SOX6: variants seen among roughly 807,000 people sequenced by gnomAD.
SOX6 encodes transcription factor SOX-6.
Under a neutral mutation model 97.8 loss-of-function variants are expected in SOX6, and 11 were observed. That is an observed-to-expected ratio of 0.11 (90% CI 0.07 to 0.19). The LOEUF (loss-of-function observed/expected upper bound fraction) is 0.19. Among genes scored for constraint, SOX6 ranks in the 10% least tolerant of loss-of-function variants. SOX6 has a pLI of 1.00. For synonymous variants in SOX6, 360 were observed against 371.4 expected, an observed-to-expected ratio of 0.97 and a Z score of 0.35; for missense variants, 810 against 1,039.5, an observed-to-expected ratio of 0.78 and a Z score of 3.04.
intron 1 of SOX6, among the ~76,000 whole-genome samples, chr11:16,421,163 C>A (rs185269733): frequency 7.0e-4 from 107 of 152,170 alleles, no homozygotes; most frequent in African/African-American, 2.5e-3. Flanking sequence ...GACAATTGTA[C>A]ATATTTATAA....
chr11:16,255,177 C>G (rs865899899), intron 3 of SOX6, among the ~76,000 whole-genome samples: 5 of 151,786 alleles, frequency 3.3e-5, no homozygotes, highest in Non-Finnish European at 4.4e-5. Flanking sequence ...ATTTTAACAC[C>G]CCTCTATGAG....
At position 16,015,018 on chromosome 11, in the gene SOX6, C is replaced by A. The variant is rs1257024169; in HGVS notation, c.1656G>T (p.Gln552His). The change falls in exon 13 of 16, where the codon CAG (glutamine) becomes CAT (histidine). Residue 552 changes from glutamine (Q) to histidine (H), a missense_variant. By Grantham distance (24) the Gln-to-His change is conservative. Around this residue, in one of 9 missense-constraint regions of SOX6, gnomAD observed 120 missense variants for 127.0 expected, o/e 0.94. Transcript: ENST00000683767. The part of the protein sequence containing the change: ...ERTRFENLGP[Q>H]LTGKSNEDGK... ...CATCTTCATTTGACTTTCCCGTTAACTGGGGCCCCAAATTCTCAAAGCGCG... is the reference window on the plus strand; with the variant it reads ...CATCTTCATTTGACTTTCCCGTTAAATGGGGCCCCAAATTCTCAAAGCGCG... The A allele has an allele frequency of 6.2e-7, 1 of 1,612,956 alleles. No homozygotes were observed. The highest frequency in any genetic ancestry group is 2.2e-5 in the East Asian group (1 of 44,814).
chr11:16,097,770 G>T (rs1354697182), intron 7 of SOX6, 82 bp from the exon 8 acceptor site: 4 of 1,285,590 alleles, frequency 3.1e-6, no homozygotes, highest in Non-Finnish European at 4.5e-6. Context: ...TCCTTGGATT[G>T]CCTGAGCTTT....
chr11:16,097,245 T>G (rs967179574), intron 8 of SOX6, among the ~76,000 whole-genome samples: 2 of 151,858 alleles, frequency 1.3e-5, no homozygotes, highest in African/African-American at 4.8e-5. Flanking sequence ...TCCAACATCA[T>G]TTTTGTTTCA....
chr11:16,145,672 T>C (rs1850273237), intron 6 of SOX6, among the ~76,000 whole-genome samples: 1 of 152,150 alleles, frequency 6.6e-6, no homozygotes. Context: ...ACAAAATCAA[T>C]GTACAAAAAT....
At chr11:16,627,750 C>G (rs1848643192) in intron 3 of SOX6, among the ~76,000 whole-genome samples, 1 of 150,570 alleles carries the variant, frequency 6.6e-6, no homozygotes, top group Non-Finnish European at 1.5e-5. Flanking sequence ...TGTGGGCTGT[C>G]TGTTTACTCT....
intron 6 of SOX6, 32 bp downstream of exon 6, chr11:16,183,854 A>G (rs1851404070): frequency 1.3e-6 from 2 of 1,597,180 alleles, no homozygotes; most frequent in Admixed American, 1.7e-5. Context: ...GTATCTAAGT[A>G]TAATCAGACG....
intron 3 of SOX6, chr11:16,646,427 T>C (rs988810486): frequency 2.6e-5 from 4 of 152,194 alleles, no homozygotes; most frequent in African/African-American, 7.2e-5. Context: ...TCTAATTTTG[T>C]GTCTTAGGTT....
chr11:16,042,280 GT>G (rs1281867918), intron 12 of SOX6, among the ~76,000 whole-genome samples: 7 of 152,080 alleles, frequency 4.6e-5, no homozygotes, highest in Admixed American at 2.6e-4. Flanking sequence ...CACCTCTTTT[GT>G]TTCTTTGTCT....
At chr11:16,243,315 T>C (rs1853246275) in intron 3 of SOX6, among the ~76,000 whole-genome samples, 1 of 151,956 alleles carries the variant, frequency 6.6e-6, no homozygotes, top group Admixed American at 6.6e-5. Flanking sequence ...AATTATGTGA[T>C]CAAGTTTATA....
intron 2 of SOX6, among the ~76,000 whole-genome samples, chr11:16,721,376 CT>C (rs1848259778): frequency 6.6e-6 from 1 of 152,102 alleles, no homozygotes; most frequent in African/African-American, 2.4e-5. Context: ...ACATGGGGAA[CT>C]TTTTTTCTCC....
At chr11:16,304,827 C>A (rs1855376247) in intron 3 of SOX6, among the ~76,000 whole-genome samples, 1 of 152,096 alleles carries the variant, frequency 6.6e-6, no homozygotes, top group African/African-American at 2.4e-5. Flanking sequence ...GAAGGTTAGT[C>A]TTTTCAACAG....
chr11:16,194,138 CCT>C (rs1851706744), intron 4 of SOX6, among the ~76,000 whole-genome samples: 1 of 152,168 alleles, frequency 6.6e-6, no homozygotes, highest in African/African-American at 2.4e-5. Context: ...GAAAGGAACC[CCT>C]GTCCCAGCAT....
chr11:16,524,904 T>C lies in SOX6; in HGVS notation n.610-48516A>G, dbSNP rs1241938672. Among the ~76,000 whole-genome samples the C allele has an allele frequency of 5.6e-3, 850 of 152,034 alleles. 42 individuals are homozygous for C. The East Asian group carries it at 0.088, about 16-fold the overall frequency. ...CAATTGCTTCAAAGAGAATAAAATA[T>C]CTAGGAATCCAACTTACAAGGGACG... On this transcript the variant is annotated intron_variant and non_coding_transcript_variant, in intron 4 of 5. Transcript: ENST00000524520.
intron 1 of SOX6, among the ~76,000 whole-genome samples, chr11:16,447,829 C>T (rs1472213080): frequency 2.0e-5 from 3 of 152,108 alleles, no homozygotes; most frequent in Admixed American, 2.0e-4. Context: ...CTGTACAAGA[C>T]AGTGATAGCA....
chr11:16,342,970 T>C (rs60596224), intron 1 of SOX6, among the ~76,000 whole-genome samples: 5,235 of 151,884 alleles, frequency 0.034, 302 homozygotes, highest in African/African-American at 0.12. Flanking sequence ...TATAATTTCT[T>C]TGAGAAGAAA....
At chr11:16,003,471 T>A (rs1359545138) in intron 13 of SOX6, among the ~76,000 whole-genome samples, 1 of 152,096 alleles carries the variant, frequency 6.6e-6, no homozygotes, top group East Asian at 1.9e-4. Context: ...TGCCATATTT[T>A]ATCCAAATTA....
At chr11:16,632,518 C>G (rs1235546395) in intron 3 of SOX6, among the ~76,000 whole-genome samples, 2 of 152,174 alleles carry the variant, frequency 1.3e-5, no homozygotes, top group Admixed American at 6.5e-5. Flanking sequence ...GGACTGATTC[C>G]TGCGCAGTGG....
chr11:16,534,189 A>G (rs1590235967), intron 4 of SOX6, among the ~76,000 whole-genome samples: 2 of 152,138 alleles, frequency 1.3e-5, no homozygotes, highest in South Asian at 4.1e-4. Flanking sequence ...TATATCATAC[A>G]ATATTGGTTG....
Sources: gnomAD v4.1 joint callset for allele counts (sites outside exome capture counted in the v4.1 genomes callset) on GRCh38, gnomAD v4.1.1 for gene constraint, gnomAD v4.1.1 regional missense constraint, MANE v1.5 for transcripts, NCBI Gene and HGNC (gene_info 2026-07-23, HGNC 2026-07-21) for gene names.